Variants in ALDH1L2 observed in about 807,000 individuals in gnomAD.
The protein encoded by ALDH1L2 is mitochondrial 10-formyltetrahydrofolate dehydrogenase.
Under a neutral mutation model 111.0 loss-of-function variants are expected in ALDH1L2, and 91 were observed. The ratio of observed to expected loss-of-function variants is 0.82; its 90% CI spans 0.69 to 0.98. The LOEUF (loss-of-function observed/expected upper bound fraction) is 0.98. ALDH1L2 is among the 50% of genes least tolerant of loss of function. ALDH1L2 has a pLI of 0.00. For synonymous variants in ALDH1L2, 374 were observed against 392.6 expected (o/e 0.95, Z 0.56); for missense variants, 995 against 1,126.8 (o/e 0.88, Z 1.67).
At chr12:105,055,611 G>A (rs968048751) in intron 10 of ALDH1L2, among the ~76,000 whole-genome samples, 20 of 152,282 alleles carry the variant, frequency 1.3e-4, no homozygotes, top group African/African-American at 4.8e-4. Context: ...CTAGACATTG[G>A]ATTTGCTAAA....
In ALDH1L2 at chr12:105,036,103, ATATT is replaced by A. The variant is rs1481603943; in HGVS notation, c.2146-1709_2146-1706del. ...ATATGTGTATATATTATATATACGT[ATATT>A]TATATATGTGTATATATATTATATA... is the stretch of plus-strand genomic sequence containing the variant. On this transcript the variant is annotated intron_variant, in intron 18 of 22. Transcript: ENST00000258494. 3.9e-5 allele frequency among the ~76,000 whole-genome samples: 3 copies of A among 77,250 alleles called. 1 individual carries two copies. Among genetic ancestry groups the A allele is most frequent in the Non-Finnish European group, 6.7e-5 (3 of 45,008 alleles). 50.7% of individuals were successfully genotyped at this position (77,250 alleles called of 152,430 possible).
At chr12:105,082,777 A>G (rs1592816900) in intron 1 of ALDH1L2, among the ~76,000 whole-genome samples, 1 of 152,238 alleles carries the variant, frequency 6.6e-6, no homozygotes, top group Non-Finnish European at 1.5e-5. Context: ...TAAAACTGCC[A>G]AACAGTTTTC....
In ALDH1L2 at chr12:105,021,584, CAAAA is replaced by C; in HGVS notation, c.*2836_*2839del. The C allele has an allele frequency of 7.3e-6, 1 of 136,744 alleles. No homozygotes were observed. The highest frequency in any genetic ancestry group is 1.6e-5 in the Non-Finnish European group (1 of 62,448). The allele number at this position is 136,744 out of a possible 1,614,324, so 8.5% of individuals were successfully genotyped here. A position where few individuals can be genotyped will look rare whatever the true frequency, so the allele number is the denominator to read the frequency against. Reference sequence around the variant, plus strand: ...GGGCAACAAGAGCAAAACTCTGTCTCAAAAAAAAAAAAAAGTAATAATGGCTTAG... The same window carrying C: ...GGGCAACAAGAGCAAAACTCTGTCTCAAAAAAAAAAGTAATAATGGCTTAG... On this transcript the variant is annotated 3_prime_UTR_variant, in exon 23 of 23. Transcript: ENST00000258494.
intron 15 of ALDH1L2, among the ~76,000 whole-genome samples, chr12:105,044,387 C>A (rs76442199): frequency 8.3e-5 from 5 of 60,354 alleles, no homozygotes; most frequent in African/African-American, 2.7e-4. Flanking sequence ...CCAACTCAGA[C>A]CAATTAAATC....
chr12:105,066,534 T>C, intron 5 of ALDH1L2, 34 bp downstream of exon 5: 1 of 1,586,512 alleles, frequency 6.3e-7, no homozygotes, highest in Non-Finnish European at 8.6e-7. Flanking sequence ...GGCCATGAAC[T>C]CTGAGACGTG....
In ALDH1L2 at chr12:105,020,323, C is replaced by T. The variant is rs1335534291; in HGVS notation, c.*4101G>A. 1 of 152,124 alleles carries T rather than the reference C, an allele frequency of 6.6e-6. No homozygotes were observed. The highest frequency in any genetic ancestry group is 1.5e-5 in the Non-Finnish European group (1 of 68,038). 9.4% of individuals were successfully genotyped at this position (152,124 alleles called of 1,614,324 possible). A position where few individuals can be genotyped will look rare whatever the true frequency, so the allele number is the denominator to read the frequency against. ...TAGTTTAACCAATACTTAATATGTGCCCACAGCTCACTACCTAGGCCCTGA... is the reference window on the plus strand; with the variant it reads ...TAGTTTAACCAATACTTAATATGTGTCCACAGCTCACTACCTAGGCCCTGA... On this transcript the variant is annotated 3_prime_UTR_variant, in exon 23 of 23. Coordinates refer to ENST00000258494, the MANE Select transcript of ALDH1L2 (RefSeq NM_001034173.4).
chr12:105,073,657 TG>T, intron 2 of ALDH1L2: 1 of 638,592 alleles, frequency 1.6e-6, no homozygotes, highest in Non-Finnish European at 2.5e-6. Context: ...GACTAAGTTC[TG>T]GCCAATGGGA....
At chr12:105,069,725 T>C (rs1565971030) in intron 3 of ALDH1L2, among the ~76,000 whole-genome samples, 1 of 152,094 alleles carries the variant, frequency 6.6e-6, no homozygotes, top group Non-Finnish European at 1.5e-5. Flanking sequence ...GACTTGACAC[T>C]GAGGAATATT....
intron 1 of ALDH1L2, 77 bp downstream of exon 1, chr12:105,084,312 C>A: frequency 2.1e-6 from 3 of 1,449,432 alleles, no homozygotes; most frequent in Admixed American, 2.5e-5. Context: ...CCAGCCCCAC[C>A]GCCCCGGCCC....
At position 105,040,660 on chromosome 12, in the gene ALDH1L2, A is replaced by G. The variant is rs778791692; in HGVS notation, c.1898T>C (p.Leu633Pro). 6.2e-7 allele frequency: 1 copy of G among 1,614,182 alleles called. No homozygotes were observed. The highest frequency in any genetic ancestry group is 2.2e-5 in the East Asian group (1 of 44,882). The change falls in exon 16 of 23, where the codon CTG becomes CCG. Residue 633 changes from leucine (L) to proline (P), a missense_variant. Physicochemically the swap from Leu to Pro is moderately conservative, Grantham distance 98 (BLOSUM62 -3). Coordinates refer to ENST00000258494, the MANE Select transcript of ALDH1L2 (RefSeq NM_001034173.4). ...CTTTGGAAAGCCTGCTTTCACAGACAGTTCTGCAAACTTCAAAGCAGTCAA... is the reference window on the plus strand; with the variant it reads ...CTTTGGAAAGCCTGCTTTCACAGACGGTTCTGCAAACTTCAAAGCAGTCAA... ...TPLTALKFAE[L>P]SVKAGFPKGV... is the part of the protein sequence containing the mutation.
chr12:105,052,991 CAGCAAT>C (rs1876391547), intron 10 of ALDH1L2, 60 bp from the exon 11 acceptor site: 1 of 1,580,420 alleles, frequency 6.3e-7, no homozygotes, highest in East Asian at 2.2e-5. Flanking sequence ...TGATGTCAAA[CAGCAAT>C]AAAGAAGCAT....
intron 17 of ALDH1L2, 54 bp from the exon 18 acceptor site, chr12:105,038,256 T>A (rs1875282174): frequency 1.3e-6 from 1 of 760,704 alleles, no homozygotes; most frequent in African/African-American, 2.2e-5. Context: ...TCTCTCTCTC[T>A]CTCTCACACA....
chr12:105,028,135 G>A (rs1874511228), intron 21 of ALDH1L2, among the ~76,000 whole-genome samples: 1 of 152,092 alleles, frequency 6.6e-6, no homozygotes, highest in African/African-American at 2.4e-5. Context: ...TTTTGAGATG[G>A]AGTCTCACTC....
At chr12:105,078,078 A>T (rs538350578) in intron 1 of ALDH1L2, among the ~76,000 whole-genome samples, 1 of 119,864 alleles carries the variant, frequency 8.3e-6, no homozygotes, top group Non-Finnish European at 1.8e-5. Context: ...GGCGTAGTGC[A>T]TGGTAGAGGT....
intron 22 of ALDH1L2, 145 bp from the exon 23 acceptor site, chr12:105,024,624 T>A: frequency 1.3e-6 from 1 of 763,500 alleles, no homozygotes; most frequent in Non-Finnish European, 2.2e-6. Flanking sequence ...CACTTTGAAG[T>A]TCATACTAAC....
At chr12:105,063,105 A>G in intron 6 of ALDH1L2, 83 bp from the exon 7 acceptor site, 1 of 1,402,506 alleles carries the variant, frequency 7.1e-7, no homozygotes, top group Non-Finnish European at 9.5e-7. Context: ...TCTCTGCAAA[A>G]ACGCTGAAGT....
intron 12 of ALDH1L2, among the ~76,000 whole-genome samples, chr12:105,051,268 C>T (rs751714201): frequency 1.3e-5 from 2 of 152,144 alleles, no homozygotes; most frequent in South Asian, 2.1e-4. Context: ...CTTGCTCTCC[C>T]ATTGGGCTTG....
intron 1 of ALDH1L2, among the ~76,000 whole-genome samples, chr12:105,079,101 A>C (rs1296606068): frequency 6.6e-6 from 1 of 152,192 alleles, no homozygotes; most frequent in African/African-American, 2.4e-5. Flanking sequence ...GTAACTCTGG[A>C]GGCATGAACT....
intron 1 of ALDH1L2, among the ~76,000 whole-genome samples, chr12:105,077,352 C>T (rs1006423897): frequency 6.6e-6 from 1 of 151,620 alleles, no homozygotes; most frequent in African/African-American, 2.4e-5. Flanking sequence ...CTCACTGCAA[C>T]CTCCGCCTTC....
Sources: allele counts gnomAD v4.1 joint callset (sites outside exome capture counted in the v4.1 genomes callset), GRCh38; gene constraint gnomAD v4.1.1; transcripts MANE v1.5; gene names NCBI Gene and HGNC (gene_info 2026-07-23, HGNC 2026-07-21).